The following ITPRID1 variants were observed in gnomAD, a reference collection of about 807,000 sequenced individuals.
The protein encoded by ITPRID1 is ITPR interacting domain containing 1.
Under a neutral mutation model 95.4 loss-of-function variants are expected in ITPRID1, and 96 were observed. The ratio of observed to expected loss-of-function variants is 1.01; its 90% CI spans 0.85 to 1.19. ITPRID1 has a LOEUF of 1.19. Among genes scored for constraint, ITPRID1 ranks in the 50% most tolerant of loss-of-function variants. The probability of loss-of-function intolerance (pLI) is 0.00; values close to 1 mark genes in which losing one functional copy is unlikely to be tolerated. For synonymous variants in ITPRID1, 510 were observed against 453.6 expected (o/e 1.12, Z -1.58); for missense variants, 1,339 against 1,252.9 (o/e 1.07, Z -1.04).
chr7:31,618,937 C>T (rs535280946), intron 10 of ITPRID1, among the ~76,000 whole-genome samples: 30 of 152,264 alleles, frequency 2.0e-4, no homozygotes, highest in Non-Finnish European at 3.8e-4. Context: ...TCATATGTGT[C>T]GAGAGAGTAG....
chr7:31,585,452 G>A (rs1444185167), intron 10 of ITPRID1, among the ~76,000 whole-genome samples: 1 of 151,978 alleles, frequency 6.6e-6, no homozygotes, highest in Non-Finnish European at 1.5e-5. Flanking sequence ...CCACTTAAAT[G>A]GCAAGGGAAT....
intron 10 of ITPRID1, among the ~76,000 whole-genome samples, chr7:31,619,448 T>A (rs1787588676): frequency 1.3e-5 from 2 of 152,336 alleles, no homozygotes; most frequent in Admixed American, 1.3e-4. Flanking sequence ...TTGTTTCAAC[T>A]GTATGTGTAG....
intron 12 of ITPRID1, among the ~76,000 whole-genome samples, chr7:31,648,365 C>T (rs1484062473): frequency 2.0e-5 from 3 of 152,210 alleles, no homozygotes; most frequent in South Asian, 2.1e-4. Context: ...ATGTTCAAAA[C>T]ACTCTATTTT....
At chr7:31,609,557 C>G (rs902348636) in intron 10 of ITPRID1, among the ~76,000 whole-genome samples, 1 of 151,476 alleles carries the variant, frequency 6.6e-6, no homozygotes, top group Non-Finnish European at 1.5e-5. Context: ...AGAAATGTAT[C>G]CATCTCACCA....
chr7:31,631,675 G>A (rs1789011266), intron 10 of ITPRID1, among the ~76,000 whole-genome samples: 1 of 152,174 alleles, frequency 6.6e-6, no homozygotes, highest in South Asian at 2.1e-4. Context: ...CGGAAGGAAG[G>A]AAAGAAGGGA....
chr7:31,612,871 G>T (rs1288102190), intron 10 of ITPRID1, among the ~76,000 whole-genome samples: 2 of 152,120 alleles, frequency 1.3e-5, no homozygotes, highest in Non-Finnish European at 2.9e-5. Flanking sequence ...ATATGTCAGA[G>T]TTTTTCAAAG....
In ITPRID1 at chr7:31,519,620, C is replaced by CCATATATATATATATATATATA. The variant is rs1554279824; in HGVS notation, c.-98+5500_-98+5501insCATATATATATATATATATATA. Among the ~76,000 whole-genome samples, 127 of 25,254 alleles carry CCATATATATATATATATATATA rather than the reference C, an allele frequency of 5.0e-3. 2 individuals are homozygous for CCATATATATATATATATATATA. The highest frequency in any genetic ancestry group is 7.0e-3 in the Non-Finnish European group (96 of 13,714). 16.6% of individuals were successfully genotyped at this position (25,254 alleles called of 152,430 possible). A position where few individuals can be genotyped will look rare whatever the true frequency, so the allele number is the denominator to read the frequency against. ...TCTCTCTCTCTCTCTCTCTCTCTCTCTATATATATATATATATATATATAT... is the reference window on the plus strand; with the variant it reads ...TCTCTCTCTCTCTCTCTCTCTCTCTCCATATATATATATATATATATATATATATATATATATATATATATAT... On this transcript the variant is annotated intron_variant, in intron 1 of 14. Transcript: ENST00000615280.
chr7:31,540,090 A>G (rs933604375), intron 1 of ITPRID1, among the ~76,000 whole-genome samples: 2 of 152,178 alleles, frequency 1.3e-5, no homozygotes, highest in African/African-American at 4.8e-5. Context: ...AGTTATAAAA[A>G]GGACGAGCAG....
intron 1 of ITPRID1, among the ~76,000 whole-genome samples, chr7:31,546,459 G>A (rs560459321): frequency 4.6e-4 from 70 of 152,090 alleles, no homozygotes; most frequent in Admixed American, 3.0e-3. Context: ...GCATGCATGT[G>A]TCTGTGTGTG....
In ITPRID1 at chr7:31,537,655, G is replaced by A. The variant is rs115534853; in HGVS notation, c.-97-11771G>A. ...ATGCTATATTTTAATGTTTTTCACT[G>A]TTCTTATTCCATTGATTTTTAAAAT... On this transcript the variant is annotated intron_variant, in intron 1 of 14. Coordinates refer to ENST00000615280, the MANE Select transcript of ITPRID1 (RefSeq NM_001257967.3). Among the ~76,000 whole-genome samples the A allele has an allele frequency of 2.6e-3, 392 of 152,010 alleles. 1 individual carries two copies. The highest frequency in any genetic ancestry group is 8.9e-3 in the African/African-American group (369 of 41,464).
chr7:31,536,517 CTCTT>C (rs1303783788), intron 1 of ITPRID1, among the ~76,000 whole-genome samples: 2 of 152,146 alleles, frequency 1.3e-5, no homozygotes, highest in African/African-American at 4.8e-5. Context: ...ATTTTCATCT[CTCTT>C]TCTGTTTCCT....
chr7:31,519,461 C>A (rs561622434), intron 1 of ITPRID1, among the ~76,000 whole-genome samples: 1 of 151,278 alleles, frequency 6.6e-6, no homozygotes, highest in Non-Finnish European at 1.5e-5. Context: ...AAAAACTGTT[C>A]GAAATCATAT....
chr7:31,628,678 A>G (rs933031026), intron 10 of ITPRID1, among the ~76,000 whole-genome samples: 1 of 151,914 alleles, frequency 6.6e-6, no homozygotes, highest in African/African-American at 2.4e-5. Flanking sequence ...GGATGGTCTC[A>G]ATCTCCTGAC....
At chr7:31,577,758 A>G (rs1241890390) in intron 8 of ITPRID1, 105 bp from the exon 9 acceptor site, 3 of 910,582 alleles carry the variant, frequency 3.3e-6, no homozygotes, top group African/African-American at 1.7e-5. Flanking sequence ...TGTCCTTCCT[A>G]TCTTGAAAAT....
chr7:31,514,692 A>G (rs559525839), intron 1 of ITPRID1, among the ~76,000 whole-genome samples: 45 of 152,336 alleles, frequency 3.0e-4, no homozygotes, highest in African/African-American at 1.0e-3. Context: ...GCCACAAGTC[A>G]GAATAGTATG....
intron 5 of ITPRID1, among the ~76,000 whole-genome samples, chr7:31,567,098 T>G (rs1351961940): frequency 6.6e-6 from 1 of 152,232 alleles, no homozygotes; most frequent in African/African-American, 2.4e-5. Context: ...GTTCTGATTC[T>G]AAGTTCATTT....
At chr7:31,554,746 C>G in intron 4 of ITPRID1, 112 bp from the exon 5 acceptor site, 5 of 1,075,338 alleles carry the variant, frequency 4.6e-6, no homozygotes, top group Non-Finnish European at 6.8e-6. Flanking sequence ...TAAAAGTCCT[C>G]TCTTACTAAA....
At chr7:31,517,170 T>C (rs746417622) in intron 1 of ITPRID1, among the ~76,000 whole-genome samples, 1 of 152,180 alleles carries the variant, frequency 6.6e-6, no homozygotes, top group Non-Finnish European at 1.5e-5. Flanking sequence ...TTCCCTTATG[T>C]GGCCCCACCC....
chr7:31,639,548 T>A (rs1348898435), intron 10 of ITPRID1, among the ~76,000 whole-genome samples: 2 of 149,920 alleles, frequency 1.3e-5, no homozygotes, highest in Admixed American at 1.3e-4. Context: ...GTTTTTTTTT[T>A]TTTTTTGAGA....
Sources: gnomAD v4.1 joint callset for allele counts (sites outside exome capture counted in the v4.1 genomes callset) on GRCh38, gnomAD v4.1.1 for gene constraint, MANE v1.5 for transcripts, NCBI Gene and HGNC (gene_info 2026-07-23, HGNC 2026-07-21) for gene names.